The following CALN1 variants were observed in gnomAD, a reference collection of about 807,000 sequenced individuals.
CALN1 encodes calneuron 1.
In CALN1, 17 loss-of-function variants were observed where a neutral mutation model predicts 30.6. The ratio of observed to expected loss-of-function variants is 0.56; its 90% CI spans 0.38 to 0.83. The LOEUF (loss-of-function observed/expected upper bound fraction) is 0.83. CALN1 is among the 40% of genes least tolerant of loss of function. CALN1 has a pLI of 0.00. For missense variants in CALN1, 291 were observed against 354.9 expected (o/e 0.82, Z 1.45); for synonymous variants, 156 against 131.4 (o/e 1.19, Z -1.28).
chr7:71,992,518 G>A (rs1298536276), intron 5 of CALN1, among the ~76,000 whole-genome samples: 6 of 152,018 alleles, frequency 3.9e-5, no homozygotes, highest in Admixed American at 1.3e-4. Context: ...CACCATGCCC[G>A]CTAAGTTTTA....
chr7:72,370,020 G>A (rs1348903385), intron 2 of CALN1, among the ~76,000 whole-genome samples: 1 of 152,150 alleles, frequency 6.6e-6, no homozygotes, highest in Non-Finnish European at 1.5e-5. Context: ...AAATGTATGT[G>A]TGTTATTTTT....
At chr7:71,916,839 T>C (rs374774893) in intron 5 of CALN1, among the ~76,000 whole-genome samples, 1 of 152,124 alleles carries the variant, frequency 6.6e-6, no homozygotes, top group African/African-American at 2.4e-5. Context: ...ATTCTTGCGA[T>C]GTAAGTAGCA....
At chr7:72,440,698 A>T (rs1480226159) in intron 1 of CALN1, among the ~76,000 whole-genome samples, 3 of 152,162 alleles carry the variant, frequency 2.0e-5, no homozygotes, top group Non-Finnish European at 1.5e-5. Flanking sequence ...GTGGTGGCTT[A>T]TGCCTGTAAT....
chr7:72,467,619 A>C, the CALN1 span, among the ~76,000 whole-genome samples: 1 of 152,128 alleles, frequency 6.6e-6, no homozygotes, highest in African/African-American at 2.4e-5. Flanking sequence ...TTGCTACTTC[A>C]ATCAGAGCTG....
chr7:72,351,544 G>A (rs1324576078), intron 2 of CALN1, among the ~76,000 whole-genome samples: 5 of 152,086 alleles, frequency 3.3e-5, no homozygotes, highest in African/African-American at 9.7e-5. Context: ...AAACATGTAC[G>A]ACAGCTACAG....
chr7:72,256,699 T>C (rs1380796229), intron 3 of CALN1, among the ~76,000 whole-genome samples: 1 of 152,010 alleles, frequency 6.6e-6, no homozygotes, highest in African/African-American at 2.4e-5. Context: ...CTCAAACTCC[T>C]GGGCTCAAGC....
chr7:72,405,934 G>A (rs774772416), intron 1 of CALN1, among the ~76,000 whole-genome samples: 26 of 152,238 alleles, frequency 1.7e-4, no homozygotes, highest in Non-Finnish European at 2.5e-4. Flanking sequence ...GAGAACTGTC[G>A]GGAGCTGATG....
intron 3 of CALN1, among the ~76,000 whole-genome samples, chr7:72,160,898 C>T (rs532919496): frequency 3.3e-5 from 5 of 152,244 alleles, no homozygotes; most frequent in African/African-American, 9.6e-5. Context: ...CCTTCCATAC[C>T]GGATAGAAAG....
At chr7:72,151,022 C>T (rs575935526) in intron 3 of CALN1, among the ~76,000 whole-genome samples, 1 of 152,192 alleles carries the variant, frequency 6.6e-6, no homozygotes, top group East Asian at 1.9e-4. Flanking sequence ...CACTGCCTTC[C>T]CGTCCTTGCT....
At chr7:72,058,604 C>T (rs888916015) in intron 4 of CALN1, among the ~76,000 whole-genome samples, 2 of 152,184 alleles carry the variant, frequency 1.3e-5, no homozygotes, top group South Asian at 2.1e-4. Context: ...CAGGCACAAG[C>T]GACCATGCCT....
chr7:72,467,300 T>C, the CALN1 span, among the ~76,000 whole-genome samples: 16 of 152,138 alleles, frequency 1.1e-4, 1 homozygote, highest in Admixed American at 1.0e-3. Flanking sequence ...GTTTGCAATG[T>C]CCACACGGCA....
At chr7:71,876,353 C>T (rs114253656) in intron 5 of CALN1, among the ~76,000 whole-genome samples, 2,237 of 152,190 alleles carry the variant, frequency 0.015, 59 homozygotes, top group African/African-American at 0.052. Flanking sequence ...GGTCACTCCT[C>T]GTGTGTTGGC....
At chr7:72,305,900 A>T (rs1799614882) in intron 2 of CALN1, among the ~76,000 whole-genome samples, 1 of 152,140 alleles carries the variant, frequency 6.6e-6, no homozygotes, top group Admixed American at 6.6e-5. Flanking sequence ...AGACAGAAAG[A>T]GGGAGAGAGG....
At chr7:72,350,877 A>C (rs1054004982) in intron 2 of CALN1, among the ~76,000 whole-genome samples, 11 of 152,248 alleles carry the variant, frequency 7.2e-5, no homozygotes, top group Admixed American at 6.5e-5. Flanking sequence ...GAGGTGGCTC[A>C]CGCCTGTAAT....
chr7:72,147,793 T>A (rs964793818), intron 3 of CALN1, among the ~76,000 whole-genome samples: 4 of 151,982 alleles, frequency 2.6e-5, no homozygotes, highest in Admixed American at 2.0e-4. Context: ...TTCATGTCCT[T>A]TGTAGGGACA....
At chr7:71,949,788 G>C (rs1323255094) in intron 5 of CALN1, among the ~76,000 whole-genome samples, 2 of 151,680 alleles carry the variant, frequency 1.3e-5, no homozygotes, top group African/African-American at 2.4e-5. Context: ...TTGAGATGGA[G>C]TCTCGCTTTG....
chr7:71,877,089 A>G (rs1296044098), intron 5 of CALN1, among the ~76,000 whole-genome samples: 2 of 152,216 alleles, frequency 1.3e-5, no homozygotes, highest in South Asian at 2.1e-4. Flanking sequence ...TTGCTACAGC[A>G]TAAGAGCAAC....
At chr7:71,813,407 T>C (rs958872355) in intron 5 of CALN1, among the ~76,000 whole-genome samples, 7 of 152,160 alleles carry the variant, frequency 4.6e-5, no homozygotes, top group Admixed American at 4.6e-4. Flanking sequence ...TACAGCCCTA[T>C]TGAAACAAAT....
chr7:71,816,829 G>A (rs573946146), intron 5 of CALN1, among the ~76,000 whole-genome samples: 26 of 152,162 alleles, frequency 1.7e-4, no homozygotes, highest in Admixed American at 1.4e-3. Flanking sequence ...TTAGCCCGGC[G>A]TGGTGACGCA....
Sources: allele counts gnomAD v4.1 joint callset (sites outside exome capture counted in the v4.1 genomes callset), GRCh38; gene constraint gnomAD v4.1.1; transcripts MANE v1.5; gene names NCBI Gene and HGNC (gene_info 2026-07-23, HGNC 2026-07-21).